Variants in PCSK6 observed in about 807,000 individuals in gnomAD.
PCSK6 encodes paired basic amino acid cleaving enzyme 4.
A neutral mutation model predicts 123.3 loss-of-function variants in PCSK6; 85 were observed. The observed-to-expected ratio is 0.69, with a 90% CI of 0.58 to 0.83. The LOEUF is 0.83. PCSK6 is among the 40% of genes least tolerant of loss of function. The pLI is 0.00. For synonymous variants in PCSK6, 508 were observed against 516.0 expected (o/e 0.98, Z 0.21); for missense variants, 1,191 against 1,282.3 (o/e 0.93, Z 1.09).
In PCSK6 at chr15:101,331,892, G is replaced by A. The variant is rs1211349876; in HGVS notation, c.1998C>T (p.Pro666=). 2 of 1,613,474 alleles carry A rather than the reference G, an allele frequency of 1.2e-6. No individual in the cohort carries two copies. Among genetic ancestry groups the A allele is most frequent in the Admixed American group, 3.3e-5 (2 of 59,978 alleles). ...ELEPPKAALS[P]SQVEVPEDEE... is the part of the protein sequence containing the mutation. Reference sequence around the variant, plus strand: ...CATCTTCAGGAACTTCCACCTGGGAGGGTGACAGGGCAGCCTTGGGTGGCT... The same window carrying A: ...CATCTTCAGGAACTTCCACCTGGGAAGGTGACAGGGCAGCCTTGGGTGGCT... The change falls in exon 14 of 22, where the codon CCC becomes CCT. Residue 666 remains proline, a synonymous_variant. Transcript: ENST00000611716.
In PCSK6 at chr15:101,326,494, C is replaced by T. The variant is rs1355026517; in HGVS notation, c.2078-15G>A. On this transcript the variant is annotated splice_polypyrimidine_tract_variant and intron_variant, in intron 15 of 21. Coordinates refer to ENST00000611716, the MANE Select transcript of PCSK6 (RefSeq NM_002570.5). ...ATGGCACACACCTTAAAGAAACAAG[C>T]ATTGCCTTTCATCCAGAGAGACGCC... The T allele has an allele frequency of 1.9e-6, 3 of 1,558,394 alleles. No homozygotes were observed. Among genetic ancestry groups the T allele is most frequent in the South Asian group, 1.2e-5 (1 of 84,508 alleles).
chr15:101,388,747 C>T (rs2042142101), intron 9 of PCSK6, among the ~76,000 whole-genome samples: 1 of 152,174 alleles, frequency 6.6e-6, no homozygotes, highest in Non-Finnish European at 1.5e-5. Context: ...ATACGTTCTA[C>T]AAACGGGTGA....
At chr15:101,340,945 A>T (rs1185496957) in intron 13 of PCSK6, among the ~76,000 whole-genome samples, 24 of 139,402 alleles carry the variant, frequency 1.7e-4, no homozygotes, top group East Asian at 8.2e-4. Flanking sequence ...CTTCTCCCAA[A>T]TTTTTTTTTT....
intron 5 of PCSK6, among the ~76,000 whole-genome samples, chr15:101,428,813 C>T (rs1419612735): frequency 6.6e-6 from 1 of 152,222 alleles, no homozygotes; most frequent in Non-Finnish European, 1.5e-5. Context: ...CACACAGCTT[C>T]AAGGCCAGGG....
rs1032119928 is a variant in PCSK6, at chr15:101,318,378, T to A, written c.2510A>T (p.Tyr837Phe). 1 of 1,565,518 alleles carries A rather than the reference T, an allele frequency of 6.4e-7. No individual in the cohort carries two copies. Among genetic ancestry groups the A allele is most frequent in the African/African-American group, 1.4e-5 (1 of 73,712 alleles). The change falls in exon 19 of 22, where the codon TAC becomes TTC. Residue 837 changes from tyrosine to phenylalanine, a missense_variant. Around this residue, in one of 3 missense-constraint regions of PCSK6, gnomAD observed 630 missense variants for 631.4 expected, o/e 1.00. Transcript: ENST00000611716. ...ACATCTGATCAGCTCTGAGTCAAAGTAGGTGCCTGGCTCACAGTCAGGAAT... is the reference window on the plus strand; with the variant it reads ...ACATCTGATCAGCTCTGAGTCAAAGAAGGTGCCTGGCTCACAGTCAGGAAT... ...SCIPDCEPGT[Y>F]FDSELIRCGE...
chr15:101,440,073 C>T (rs932563845), intron 2 of PCSK6, among the ~76,000 whole-genome samples: 1 of 152,180 alleles, frequency 6.6e-6, no homozygotes, highest in Non-Finnish European at 1.5e-5. Context: ...AATTTGTGAG[C>T]CCTTTCAGTG....
intron 1 of PCSK6, among the ~76,000 whole-genome samples, chr15:101,459,043 G>A (rs2057266548): frequency 1.3e-5 from 2 of 152,180 alleles, no homozygotes; most frequent in African/African-American, 2.4e-5. Flanking sequence ...TCTCAGCCAA[G>A]GGAGAAAGGC....
chr15:101,318,939 C>A (rs1191490222), intron 18 of PCSK6, among the ~76,000 whole-genome samples: 1 of 152,194 alleles, frequency 6.6e-6, no homozygotes, highest in African/African-American at 2.4e-5. Context: ...CCCTCTGGAG[C>A]CCCAGCAGGC....
intron 21 of PCSK6, among the ~76,000 whole-genome samples, 194 bp downstream of exon 21, chr15:101,307,019 G>A (rs756573275): frequency 2.0e-5 from 3 of 152,238 alleles, no homozygotes; most frequent in Non-Finnish European, 4.4e-5. Flanking sequence ...GAGAGGCCTA[G>A]AGGGAAGCTG....
chr15:101,349,384 A>G (rs2141406245), intron 13 of PCSK6, among the ~76,000 whole-genome samples: 1 of 152,336 alleles, frequency 6.6e-6, no homozygotes, highest in African/African-American at 2.4e-5. Flanking sequence ...GGGCCAGCCA[A>G]CCCAATAGCA....
intron 13 of PCSK6, among the ~76,000 whole-genome samples, chr15:101,353,575 C>T (rs1171903298): frequency 6.6e-6 from 1 of 152,190 alleles, no homozygotes; most frequent in Admixed American, 6.5e-5. Flanking sequence ...CCTCAACACC[C>T]CGACCCTGGC....
At chr15:101,400,365 C>G (rs533823350) in intron 6 of PCSK6, among the ~76,000 whole-genome samples, 16 of 152,236 alleles carry the variant, frequency 1.1e-4, no homozygotes, top group Non-Finnish European at 2.2e-4. Context: ...AGGCAGCTTC[C>G]TTCTGGGGTT....
chr15:101,412,530 T>C (rs2055725516), intron 6 of PCSK6, among the ~76,000 whole-genome samples: 1 of 148,428 alleles, frequency 6.7e-6, no homozygotes, highest in Non-Finnish European at 1.5e-5. Flanking sequence ...AATGAAAAAA[T>C]AGAAAGTCTC....
At chr15:101,365,626 A>G (rs2141451736) in intron 13 of PCSK6, among the ~76,000 whole-genome samples, 1 of 152,366 alleles carries the variant, frequency 6.6e-6, no homozygotes, top group South Asian at 2.1e-4. Flanking sequence ...TAGCTGTACT[A>G]TTTGTAACAG....
At chr15:101,409,354 G>C (rs1028635270) in intron 6 of PCSK6, among the ~76,000 whole-genome samples, 11 of 152,132 alleles carry the variant, frequency 7.2e-5, no homozygotes, top group African/African-American at 2.7e-4. Context: ...GGGCGGCCGA[G>C]GCGGGCGGAT....
intron 1 of PCSK6, among the ~76,000 whole-genome samples, chr15:101,451,152 G>A (rs1288900043): frequency 6.6e-6 from 1 of 151,774 alleles, no homozygotes; most frequent in East Asian, 1.9e-4. Flanking sequence ...GCCAGCTCGG[G>A]TTCACTCTGC....
chr15:101,432,621 C>T (rs2056482953), intron 2 of PCSK6, among the ~76,000 whole-genome samples: 1 of 149,008 alleles, frequency 6.7e-6, no homozygotes, highest in African/African-American at 2.5e-5. Flanking sequence ...CACAGCAAGA[C>T]CCTGTCAAAA....
intron 1 of PCSK6, among the ~76,000 whole-genome samples, chr15:101,478,640 G>T (rs7174882): frequency 0.54 from 82,794 of 151,982 alleles, 23,275 homozygotes; most frequent in East Asian, 0.83. Context: ...GATGCTAGGT[G>T]TGTCCAGACT....
chr15:101,372,247 C>T (rs374682202), intron 11 of PCSK6, among the ~76,000 whole-genome samples: 27 of 152,308 alleles, frequency 1.8e-4, no homozygotes, highest in East Asian at 7.7e-4. Flanking sequence ...ACGACCGGTG[C>T]TTGGCTTATT....
Sources: gnomAD v4.1 joint callset for allele counts (sites outside exome capture counted in the v4.1 genomes callset) on GRCh38, gnomAD v4.1.1 for gene constraint, gnomAD v4.1.1 regional missense constraint, MANE v1.5 for transcripts, NCBI Gene and HGNC (gene_info 2026-07-23, HGNC 2026-07-21) for gene names.